Variants in SLC25A21 observed in about 807,000 individuals in gnomAD.
The protein encoded by SLC25A21 is mitochondrial 2-oxodicarboxylate carrier.
In SLC25A21, 47 loss-of-function variants were observed where a neutral mutation model predicts 43.8. The observed-to-expected ratio is 1.07, with a 90% CI of 0.85 to 1.37. The LOEUF (loss-of-function observed/expected upper bound fraction) is 1.37. Ranked by LOEUF, SLC25A21 falls within the 40% of genes most tolerant of loss-of-function variation. SLC25A21 has a pLI of 0.00. For synonymous variants in SLC25A21, 131 were observed against 121.3 expected, an observed-to-expected ratio of 1.08 and a Z score of -0.52; for missense variants, 352 against 350.2, an observed-to-expected ratio of 1.00 and a Z score of -0.04.
intron 7 of SLC25A21, among the ~76,000 whole-genome samples, chr14:36,708,844 G>A (rs1244246390): frequency 3.4e-5 from 5 of 145,706 alleles, no homozygotes; most frequent in Admixed American, 7.2e-5. Context: ...TCAGCCTCCC[G>A]AAGTGCTGGG....
At chr14:37,136,545 G>A (rs539535421) in intron 1 of SLC25A21, among the ~76,000 whole-genome samples, 2 of 152,102 alleles carry the variant, frequency 1.3e-5, no homozygotes, top group African/African-American at 4.8e-5. Context: ...CATACTCCCA[G>A]GTATTCACCC....
intron 1 of SLC25A21, among the ~76,000 whole-genome samples, chr14:36,939,849 T>C (rs1360698995): frequency 6.6e-6 from 1 of 152,088 alleles, no homozygotes; most frequent in East Asian, 1.9e-4. Context: ...ATGGAAAACA[T>C]GCACAATTTT....
intron 1 of SLC25A21, among the ~76,000 whole-genome samples, chr14:36,941,985 T>A (rs1002370432): frequency 2.0e-5 from 3 of 152,256 alleles, no homozygotes; most frequent in African/African-American, 7.2e-5. Flanking sequence ...TGTATCAATG[T>A]AAAAAGCTAA....
chr14:37,145,599 T>A (rs1963651693), intron 1 of SLC25A21, among the ~76,000 whole-genome samples: 1 of 152,078 alleles, frequency 6.6e-6, no homozygotes, highest in South Asian at 2.1e-4. Context: ...GACTGCCACA[T>A]GTGTGGGATT....
intron 2 of SLC25A21, among the ~76,000 whole-genome samples, chr14:36,818,815 G>A (rs535496883): frequency 1.3e-5 from 2 of 152,128 alleles, no homozygotes; most frequent in South Asian, 4.1e-4. Flanking sequence ...TTTCTCTCTT[G>A]GATTGAAGCT....
intron 6 of SLC25A21, 46 bp from the exon 7 acceptor site, chr14:36,711,528 T>G (rs749115390): frequency 2.5e-6 from 4 of 1,574,036 alleles, no homozygotes; most frequent in Non-Finnish European, 2.6e-6. Flanking sequence ...TTTGGGACTG[T>G]GGAATACAGT....
At chr14:37,000,716 T>A (rs947701144) in intron 1 of SLC25A21, among the ~76,000 whole-genome samples, 2 of 152,152 alleles carry the variant, frequency 1.3e-5, no homozygotes, top group Non-Finnish European at 2.9e-5. Flanking sequence ...TTGGATCATG[T>A]GAGTGGGTTT....
intron 2 of SLC25A21, among the ~76,000 whole-genome samples, chr14:36,862,971 A>G (rs1890115603): frequency 6.6e-6 from 1 of 152,220 alleles, no homozygotes; most frequent in Non-Finnish European, 1.5e-5. Context: ...TGGCTAAATA[A>G]GTAGATTAAT....
chr14:36,922,131 TCTGC>T (rs1437319394), intron 1 of SLC25A21, among the ~76,000 whole-genome samples: 1 of 140,730 alleles, frequency 7.1e-6, no homozygotes, highest in Non-Finnish European at 1.5e-5. Context: ...AGAGCGAGAT[TCTGC>T]CTAAAAAAAA....
intron 2 of SLC25A21, among the ~76,000 whole-genome samples, chr14:36,858,667 C>G (rs1889975962): frequency 6.6e-6 from 1 of 152,136 alleles, no homozygotes; most frequent in Non-Finnish European, 1.5e-5. Flanking sequence ...TTCTCCCATT[C>G]CCCTGTTACC....
At chr14:37,115,822 T>C (rs2138883468) in intron 1 of SLC25A21, among the ~76,000 whole-genome samples, 1 of 152,314 alleles carries the variant, frequency 6.6e-6, no homozygotes, top group Admixed American at 6.5e-5. Flanking sequence ...ATATAGCAAG[T>C]GTAAAATATT....
At chr14:36,746,079 C>A (rs1041083068) in intron 3 of SLC25A21, among the ~76,000 whole-genome samples, 1 of 152,034 alleles carries the variant, frequency 6.6e-6, no homozygotes, top group African/African-American at 2.4e-5. Flanking sequence ...AACTATCATT[C>A]AATCCATCAA....
intron 1 of SLC25A21, among the ~76,000 whole-genome samples, chr14:36,903,613 A>AG (rs1891454368): frequency 9.9e-6 from 1 of 101,498 alleles, no homozygotes; most frequent in African/African-American, 3.6e-5. Flanking sequence ...ACTCCGTCTC[A>AG]GAAAAAAAAA....
intron 3 of SLC25A21, among the ~76,000 whole-genome samples, chr14:36,745,989 C>T (rs1379057188): frequency 1.3e-5 from 2 of 152,052 alleles, no homozygotes; most frequent in Non-Finnish European, 1.5e-5. Context: ...AAAGAGAACG[C>T]TTCTACACTG....
At chr14:37,007,592 C>T (rs992869498) in intron 1 of SLC25A21, among the ~76,000 whole-genome samples, 1 of 112,562 alleles carries the variant, frequency 8.9e-6, no homozygotes, top group Non-Finnish European at 1.8e-5. Flanking sequence ...GACAAGACTC[C>T]CTCTCAAAAA....
chr14:36,753,272 T>C (rs1028643410), intron 3 of SLC25A21, among the ~76,000 whole-genome samples: 2 of 152,122 alleles, frequency 1.3e-5, no homozygotes, highest in Non-Finnish European at 2.9e-5. Flanking sequence ...AGTGAAAAGA[T>C]ATAAAAACAA....
intron 1 of SLC25A21, among the ~76,000 whole-genome samples, chr14:37,140,220 C>T (rs1963548053): frequency 6.6e-6 from 1 of 152,174 alleles, no homozygotes; most frequent in Admixed American, 6.5e-5. Context: ...ATGGCAATTT[C>T]AGATCATATA....
At chr14:36,818,877 T>C (rs848078) in intron 2 of SLC25A21, among the ~76,000 whole-genome samples, 142,399 of 152,268 alleles carry the variant, frequency 0.94, 67,333 homozygotes, top group East Asian at 1. Context: ...TCTCTCTACT[T>C]AGGGAGACAA....
intron 1 of SLC25A21, among the ~76,000 whole-genome samples, chr14:37,121,183 A>G (rs1466969996): frequency 6.6e-6 from 1 of 152,172 alleles, no homozygotes; most frequent in African/African-American, 2.4e-5. Flanking sequence ...GCTCCTAGAC[A>G]CAGCTCATGA....
Sources: gnomAD v4.1 joint callset for allele counts (sites outside exome capture counted in the v4.1 genomes callset) on GRCh38, gnomAD v4.1.1 for gene constraint, MANE v1.5 for transcripts, NCBI Gene and HGNC (gene_info 2026-07-23, HGNC 2026-07-21) for gene names.